Variants in CSMD1 observed in about 807,000 individuals in gnomAD.
CSMD1 encodes the protein CUB and sushi domain-containing protein 1.
A neutral mutation model predicts 417.5 loss-of-function variants in CSMD1; 213 were observed. The ratio of observed to expected loss-of-function variants is 0.51; its 90% CI spans 0.46 to 0.57. CSMD1 has a LOEUF of 0.57. Ranked by LOEUF, CSMD1 falls within the 20% of genes least tolerant of loss-of-function variation. The probability of loss-of-function intolerance (pLI) is 0.00; values close to 1 mark genes in which losing one functional copy is unlikely to be tolerated. For synonymous variants in CSMD1, 2,862 were observed against 1,736.8 expected (o/e 1.65, Z -16.11); for missense variants, 6,923 against 4,529.7 (o/e 1.53, Z -15.17).
chr8:3,938,958 A>C (rs774766342), intron 5 of CSMD1, among the ~76,000 whole-genome samples: 28 of 152,170 alleles, frequency 1.8e-4, no homozygotes, highest in Non-Finnish European at 3.4e-4. Context: ...TAAAAATAAT[A>C]TTCATAGGCA....
intron 7 of CSMD1, among the ~76,000 whole-genome samples, chr8:3,668,807 C>A (rs749192857): frequency 3.3e-5 from 5 of 152,140 alleles, no homozygotes; most frequent in Non-Finnish European, 5.9e-5. Flanking sequence ...TTGCCTTAGA[C>A]AATTTGCTGT....
intron 3 of CSMD1, among the ~76,000 whole-genome samples, chr8:4,166,200 G>C (rs531855288): frequency 6.6e-5 from 10 of 152,126 alleles, no homozygotes; most frequent in African/African-American, 2.2e-4. Context: ...AAAATAGTCA[G>C]TTTTATGACA....
intron 3 of CSMD1, among the ~76,000 whole-genome samples, chr8:4,194,591 C>T (rs1439093533): frequency 6.6e-6 from 1 of 152,070 alleles, no homozygotes; most frequent in African/African-American, 2.4e-5. Flanking sequence ...TTTGTTTCCC[C>T]TTTGACATTA....
chr8:4,336,305 G>A (rs939218053), intron 3 of CSMD1, among the ~76,000 whole-genome samples: 8 of 152,082 alleles, frequency 5.3e-5, no homozygotes, highest in Admixed American at 2.0e-4. Flanking sequence ...TTAATGCCAC[G>A]TAGCCTCTGT....
At chr8:3,340,520 G>C (rs1807578061) in intron 23 of CSMD1, among the ~76,000 whole-genome samples, 1 of 152,044 alleles carries the variant, frequency 6.6e-6, no homozygotes, top group Non-Finnish European at 1.5e-5. Flanking sequence ...CTATCAAGAG[G>C]CAATTACAAA....
chr8:2,984,164 C>T (rs547543691), intron 54 of CSMD1, among the ~76,000 whole-genome samples: 5 of 152,068 alleles, frequency 3.3e-5, no homozygotes, highest in African/African-American at 4.8e-5. Flanking sequence ...AGAGACCATC[C>T]GTTTATGTCG....
At chr8:4,804,849 T>C (rs966606644) in intron 1 of CSMD1, among the ~76,000 whole-genome samples, 3 of 152,244 alleles carry the variant, frequency 2.0e-5, no homozygotes, top group African/African-American at 7.2e-5. Flanking sequence ...AATACAGACA[T>C]GGCTCATTGT....
intron 53 of CSMD1, 46 bp from the exon 54 acceptor site, chr8:2,998,230 A>T (rs1461425533): frequency 1.3e-6 from 2 of 1,581,126 alleles, no homozygotes; most frequent in South Asian, 2.2e-5. Flanking sequence ...TGAACAGGTC[A>T]TCACTTTCCC....
At chr8:3,061,146 G>T (rs1812564247) in intron 49 of CSMD1, among the ~76,000 whole-genome samples, 1 of 152,166 alleles carries the variant, frequency 6.6e-6, no homozygotes, top group South Asian at 2.1e-4. Context: ...GTTTGTTTAT[G>T]ACTCGGACAA....
chr8:3,630,745 A>G (rs1303408375), intron 7 of CSMD1, among the ~76,000 whole-genome samples: 1 of 152,122 alleles, frequency 6.6e-6, no homozygotes, highest in Non-Finnish European at 1.5e-5. Flanking sequence ...GAAGCCACTG[A>G]GCCAACGGTG....
At chr8:4,076,692 A>G (rs145964385) in intron 3 of CSMD1, among the ~76,000 whole-genome samples, 1 of 152,182 alleles carries the variant, frequency 6.6e-6, no homozygotes, top group African/African-American at 2.4e-5. Context: ...ACATTTAGCC[A>G]TATCTTGTCT....
intron 3 of CSMD1, among the ~76,000 whole-genome samples, chr8:4,036,345 C>T (rs897565654): frequency 5.5e-5 from 8 of 145,510 alleles, no homozygotes; most frequent in African/African-American, 7.6e-5. Flanking sequence ...AAGAGGGACC[C>T]CTCCAAAATT....
At chr8:4,470,843 T>C in intron 2 of CSMD1, among the ~76,000 whole-genome samples, 1 of 152,200 alleles carries the variant, frequency 6.6e-6, no homozygotes, top group East Asian at 1.9e-4. Flanking sequence ...TCTGGGCTTC[T>C]TTGATTTTTT....
At chr8:3,672,722 G>C (rs1343435358) in intron 7 of CSMD1, among the ~76,000 whole-genome samples, 1 of 152,110 alleles carries the variant, frequency 6.6e-6, no homozygotes, top group Non-Finnish European at 1.5e-5. Context: ...GTTTGAAATT[G>C]GCCATGGTGG....
chr8:4,100,074 T>G (rs10089093), intron 3 of CSMD1, among the ~76,000 whole-genome samples: 6,193 of 152,180 alleles, frequency 0.041, 270 homozygotes, highest in African/African-American at 0.1. Context: ...TCCAAGAAAT[T>G]TGGGTTAATC....
At chr8:2,965,641 A>C in intron 59 of CSMD1, 134 bp downstream of exon 59, 3 of 663,926 alleles carry the variant, frequency 4.5e-6, no homozygotes, top group Non-Finnish European at 5.1e-6. Flanking sequence ...AAAGTGACTT[A>C]ATAGTTGCAA....
At chr8:3,754,703 C>T (rs1797558900) in intron 5 of CSMD1, among the ~76,000 whole-genome samples, 1 of 152,316 alleles carries the variant, frequency 6.6e-6, no homozygotes, top group African/African-American at 2.4e-5. Context: ...GATCTGCCTG[C>T]CTTGGCCTTC....
intron 3 of CSMD1, among the ~76,000 whole-genome samples, chr8:4,136,108 G>A (rs866750612): frequency 6.6e-6 from 1 of 152,134 alleles, no homozygotes; most frequent in Non-Finnish European, 1.5e-5. Context: ...TCCTTTGAAG[G>A]AAACTTTCCA....
chr8:3,497,089 C>A (rs766714695), intron 10 of CSMD1, among the ~76,000 whole-genome samples: 24 of 152,108 alleles, frequency 1.6e-4, no homozygotes, highest in Non-Finnish European at 3.1e-4. Context: ...ATATTCATAC[C>A]ATGTACTGAT....
Sources: gnomAD v4.1 joint callset for allele counts (sites outside exome capture counted in the v4.1 genomes callset) on GRCh38, gnomAD v4.1.1 for gene constraint, MANE v1.5 for transcripts, NCBI Gene and HGNC (gene_info 2026-07-23, HGNC 2026-07-21) for gene names.